Variants in CDH22 observed in about 807,000 individuals in gnomAD.
The protein encoded by CDH22 is cadherin-22.
Under a neutral mutation model 58.4 loss-of-function variants are expected in CDH22, and 30 were observed. The ratio of observed to expected loss-of-function variants is 0.51; its 90% CI spans 0.38 to 0.70. The LOEUF (loss-of-function observed/expected upper bound fraction) is 0.70. Among genes scored for constraint, CDH22 ranks in the 30% least tolerant of loss-of-function variants. The probability of loss-of-function intolerance (pLI) is 0.00; values close to 1 mark genes in which losing one functional copy is unlikely to be tolerated. For missense variants in CDH22, 1,014 were observed against 1,233.9 expected (o/e 0.82, Z 2.67); for synonymous variants, 513 against 558.2 (o/e 0.92, Z 1.14).
At chr20:46,250,281 G>A (rs887914421) in intron 2 of CDH22, among the ~76,000 whole-genome samples, 1 of 152,174 alleles carries the variant, frequency 6.6e-6, no homozygotes, top group African/African-American at 2.4e-5. Flanking sequence ...GGATTTCGCG[G>A]CGAGCAAAAC....
chr20:46,273,264 T>A (rs1404644403), intron 1 of CDH22, among the ~76,000 whole-genome samples: 1 of 152,224 alleles, frequency 6.6e-6, no homozygotes, highest in East Asian at 1.9e-4. Context: ...CTCTCTAAGT[T>A]CTCTGGGCTT....
At chr20:46,240,196 G>A (rs979266186) in intron 3 of CDH22, among the ~76,000 whole-genome samples, 6 of 152,024 alleles carry the variant, frequency 3.9e-5, no homozygotes, top group African/African-American at 4.8e-5. Context: ...GCCTGTCTGC[G>A]GCTGCACACC....
Position 46,251,974 on chromosome 20 carries a change from G to A in CDH22, c.-399-281C>T, listed in dbSNP as rs2086379945. Among the ~76,000 whole-genome samples, 1 of 151,910 alleles carries A rather than the reference G, an allele frequency of 6.6e-6. No individual in the cohort carries two copies. The highest frequency in any genetic ancestry group is 6.6e-5 in the Admixed American group (1 of 15,242). On this transcript the variant is annotated intron_variant, in intron 1 of 11. Transcript: ENST00000537909. The surrounding 1 kb of genome is among the most constrained non-coding windows in gnomAD (Gnocchi z 6.7). Reference sequence around the variant, plus strand: ...TTTCTCACAGCCCCTGCCCCGCTCAGCCCTCATGCCCACACAAGGAGAGAC... The same window carrying A: ...TTTCTCACAGCCCCTGCCCCGCTCAACCCTCATGCCCACACAAGGAGAGAC...
intron 2 of CDH22, among the ~76,000 whole-genome samples, chr20:46,246,862 C>G (rs544357285): frequency 6.6e-6 from 1 of 152,132 alleles, no homozygotes; most frequent in Non-Finnish European, 1.5e-5. Context: ...TAACTGAAAC[C>G]GTGGTGAAGT....
chr20:46,301,844 T>G (rs1196215884), intron 1 of CDH22, among the ~76,000 whole-genome samples: 1 of 152,114 alleles, frequency 6.6e-6, no homozygotes, highest in African/African-American at 2.4e-5. Flanking sequence ...TTATATCGAC[T>G]TGAGTGATAA....
chr20:46,197,543 G>A (rs2085915780), intron 8 of CDH22, among the ~76,000 whole-genome samples: 1 of 152,138 alleles, frequency 6.6e-6, no homozygotes, highest in African/African-American at 2.4e-5. Flanking sequence ...TCTGTGAGTA[G>A]GGAGAGGAGG....
intron 1 of CDH22, among the ~76,000 whole-genome samples, chr20:46,302,918 T>C (rs1212960278): frequency 6.6e-6 from 1 of 151,992 alleles, no homozygotes; most frequent in Admixed American, 6.6e-5. Flanking sequence ...TCCATTCCAC[T>C]CCCACAACCC....
rs1568646787 is a variant in CDH22, at chr20:46,174,789, T to C, written c.2204A>G (p.Gln735Arg). 2.0e-6 allele frequency: 3 copies of C among 1,498,922 alleles called. No individual in the cohort carries two copies. Among genetic ancestry groups the C allele is most frequent in the Non-Finnish European group, 2.7e-6 (3 of 1,130,598 alleles). 92.9% of individuals were successfully genotyped at this position (1,498,922 alleles called of 1,614,324 possible). The part of the protein sequence containing the change: ...HLPSERHSLP[Q>R]GPPSPEPDFS... ...GTCTGGCTCGGGGCTCGGCGGCCCC[T>C]GCGGCAGCGAGTGGCGCTCGGAGGG... The change falls in exon 12 of 12, where the codon CAG becomes CGG. Residue 735 changes from glutamine (Q) to arginine (R), a missense_variant. By Grantham distance (43) the Gln-to-Arg change is conservative. This residue lies in a region of CDH22 where 208 missense variants were observed against 195.2 expected (regional missense o/e 1.07). Coordinates refer to ENST00000537909, the MANE Select transcript of CDH22 (RefSeq NM_021248.3). The surrounding 1 kb of genome is among the most constrained non-coding windows in gnomAD (Gnocchi z 4.4).
chr20:46,186,722 G>T lies in CDH22; in HGVS notation c.1546-17C>A. 1 of 1,611,856 alleles carries T rather than the reference G, an allele frequency of 6.2e-7. No homozygotes were observed. Among genetic ancestry groups the T allele is most frequent in the Non-Finnish European group, 8.5e-7 (1 of 1,178,380 alleles). ...CTGGATGAGCTGAAGGGTGAGGAGGGGATAGAGGGCTAGTGGTGAGGCTGA... is the reference window on the plus strand; with the variant it reads ...CTGGATGAGCTGAAGGGTGAGGAGGTGATAGAGGGCTAGTGGTGAGGCTGA... On this transcript the variant is annotated splice_polypyrimidine_tract_variant and intron_variant, in intron 9 of 11. Coordinates refer to ENST00000537909, the MANE Select transcript of CDH22 (RefSeq NM_021248.3).
intron 3 of CDH22, among the ~76,000 whole-genome samples, chr20:46,231,467 G>T (rs966340664): frequency 6.6e-6 from 1 of 152,108 alleles, no homozygotes; most frequent in Non-Finnish European, 1.5e-5. Context: ...AGTGTCTCTC[G>T]GTCTAAAAAC....
intron 4 of CDH22, among the ~76,000 whole-genome samples, chr20:46,218,149 C>T (rs146832865): frequency 7.2e-5 from 11 of 152,308 alleles, no homozygotes; most frequent in East Asian, 3.9e-4. Context: ...GTCTCAAACT[C>T]CTAGCCTCAA....
intron 7 of CDH22, among the ~76,000 whole-genome samples, chr20:46,203,197 G>T (rs1187494576): frequency 1.3e-5 from 2 of 151,838 alleles, no homozygotes; most frequent in African/African-American, 4.8e-5. Flanking sequence ...CTGGGGGTCA[G>T]TTTGGCTGGC....
chr20:46,191,092 A>G (rs2145659884), intron 8 of CDH22, among the ~76,000 whole-genome samples: 1 of 152,268 alleles, frequency 6.6e-6, no homozygotes, highest in Non-Finnish European at 1.5e-5. Flanking sequence ...GCAGGTACAG[A>G]CATTACTCCA....
rs1045812751 is a variant in CDH22, at chr20:46,287,924, G to A, written c.-400+20331C>T. ...GCTTGAAGTAGGTGGGGGCAGTGAG[G>A]TTGGAGAGGAGTGGGCTATTTCTAG... is the stretch of plus-strand genomic sequence containing the variant. On this transcript the variant is annotated intron_variant, in intron 1 of 11. Coordinates refer to ENST00000537909, the MANE Select transcript of CDH22 (RefSeq NM_021248.3). Among the ~76,000 whole-genome samples the A allele has an allele frequency of 3.9e-4, 60 of 152,134 alleles. 1 individual carries two copies. Among genetic ancestry groups the A allele is most frequent in the African/African-American group, 1.4e-3 (59 of 41,414 alleles).
At chr20:46,187,510 T>G (rs1025608726) in intron 8 of CDH22, among the ~76,000 whole-genome samples, 1 of 150,370 alleles carries the variant, frequency 6.7e-6, no homozygotes, top group African/African-American at 2.5e-5. Flanking sequence ...AACCACATCC[T>G]CTAGTACTAC....
chr20:46,221,279 T>C (rs2086123052), intron 4 of CDH22, among the ~76,000 whole-genome samples: 1 of 103,202 alleles, frequency 9.7e-6, no homozygotes, highest in African/African-American at 3.8e-5. Flanking sequence ...TTTTTTTTTT[T>C]CTTTTTTTTT....
rs563083724 is a variant in CDH22, at chr20:46,195,011, T to A, written c.1423+4412A>T. 4.8e-4 allele frequency among the ~76,000 whole-genome samples: 73 copies of A among 152,284 alleles called. 1 individual carries two copies. Among genetic ancestry groups the A allele is most frequent in the South Asian group, 4.2e-3 (20 of 4,816 alleles). The stretch of plus-strand genomic sequence containing the variant: ...TCCCAAAGTGCTAGGATTACAGGCG[T>A]GAACCACCGTGCCCAGCCAGGAGCT... On this transcript the variant is annotated intron_variant, in intron 8 of 11. Coordinates refer to ENST00000537909, the MANE Select transcript of CDH22 (RefSeq NM_021248.3).
chr20:46,270,165 G>A (rs1474025214), intron 1 of CDH22, among the ~76,000 whole-genome samples: 2 of 152,156 alleles, frequency 1.3e-5, no homozygotes, highest in African/African-American at 4.8e-5. Flanking sequence ...AGAAAGGGAA[G>A]GCATAGCCAG....
intron 1 of CDH22, among the ~76,000 whole-genome samples, chr20:46,288,903 C>A (rs1350037618): frequency 6.6e-6 from 1 of 152,174 alleles, no homozygotes; most frequent in Non-Finnish European, 1.5e-5. Context: ...TCTGCCCTGG[C>A]CCCCTGCAGA....
Sources: allele counts gnomAD v4.1 joint callset (sites outside exome capture counted in the v4.1 genomes callset), GRCh38; gene constraint gnomAD v4.1.1; regional missense constraint gnomAD v4.1.1; non-coding constraint Gnocchi (gnomAD v3.1); transcripts MANE v1.5; gene names NCBI Gene and HGNC (gene_info 2026-07-23, HGNC 2026-07-21).